The following EPC2 variants were observed in gnomAD, a reference collection of about 807,000 sequenced individuals.
EPC2 encodes the protein enhancer of polycomb homolog 2.
Under a neutral mutation model 92.1 loss-of-function variants are expected in EPC2, and 14 were observed. The observed-to-expected ratio is 0.15, with a 90% CI of 0.10 to 0.24. The LOEUF is 0.24. Among genes scored for constraint, EPC2 ranks in the 10% least tolerant of loss-of-function variants. The pLI, the probability that EPC2 is intolerant of heterozygous loss-of-function variation, is 1.00. For synonymous variants in EPC2, 340 were observed against 334.7 expected (o/e 1.02, Z -0.17); for missense variants, 755 against 971.5 (o/e 0.78, Z 2.96).
chr2:148,732,725 T>G (rs1345678741), intron 2 of EPC2, among the ~76,000 whole-genome samples: 1 of 152,090 alleles, frequency 6.6e-6, no homozygotes, highest in Admixed American at 6.5e-5. Context: ...AGCCAACCAC[T>G]CTGAGTGGCT....
chr2:148,753,931 T>C lies in EPC2; in HGVS notation c.464T>C (p.Val155Ala), dbSNP rs1683127310. 2 of 1,608,414 alleles carry C rather than the reference T, an allele frequency of 1.2e-6. No homozygotes were observed. Among genetic ancestry groups the C allele is most frequent in the Non-Finnish European group, 1.7e-6 (2 of 1,177,226 alleles). The change falls in exon 4 of 14, where the codon GTA (valine) becomes GCA (alanine). Residue 155 changes from valine to alanine, a missense_variant. Physicochemically the swap from Val to Ala is moderately conservative, Grantham distance 64. Transcript: ENST00000258484. Reference sequence around the variant, plus strand: ...CATTTTGTATTTTTCATTTAGCTTGTAACACTTCAAGAAGCAAAACTGCTG... The same window carrying C: ...CATTTTGTATTTTTCATTTAGCTTGCAACACTTCAAGAAGCAAAACTGCTG... ...RLEKASSNQL[V>A]TLQEAKLLLN...
At chr2:148,730,917 G>GC (rs1682606785) in intron 2 of EPC2, among the ~76,000 whole-genome samples, 1 of 152,034 alleles carries the variant, frequency 6.6e-6, no homozygotes, top group Non-Finnish European at 1.5e-5. Flanking sequence ...TAACTTCATT[G>GC]AACATATGGT....
intron 2 of EPC2, among the ~76,000 whole-genome samples, chr2:148,695,056 G>A (rs1280686771): frequency 6.6e-6 from 1 of 152,242 alleles, no homozygotes; most frequent in East Asian, 1.9e-4. Flanking sequence ...GGGATTACAG[G>A]CGTGAGCCAT....
intron 4 of EPC2, among the ~76,000 whole-genome samples, chr2:148,757,666 C>T (rs1334859215): frequency 6.6e-6 from 1 of 151,820 alleles, no homozygotes; most frequent in African/African-American, 2.4e-5. Context: ...GGAGAAACCT[C>T]ATCTCTACTA....
rs977383643 is a variant in EPC2 at position 148,690,487 on chromosome 2, A to G, written c.313+114A>G. ...TTTTAATTCATACACACTGATTAAT[A>G]GATATGTTAAACATTAAAGAATAAA... is the stretch of plus-strand genomic sequence containing the variant. On this transcript the variant is annotated intron_variant, in intron 2 of 13. Transcript: ENST00000258484. The G allele has an allele frequency of 8.5e-6, 8 of 936,760 alleles. No individual in the cohort carries two copies. The African/African-American group carries it at 1.3e-4, about 16-fold the overall frequency. 58.0% of individuals were successfully genotyped at this position (936,760 alleles called of 1,614,324 possible).
At chr2:148,645,644 C>T (rs78995377) in intron 1 of EPC2, 3,731 of 154,140 alleles carry the variant, frequency 0.024, 69 homozygotes, top group Middle Eastern at 0.041. Context: ...CAAACATCTT[C>T]CTCCCAGCAA....
intron 2 of EPC2, among the ~76,000 whole-genome samples, chr2:148,741,037 TATA>T (rs1243721422): frequency 2.6e-5 from 4 of 152,130 alleles, no homozygotes; most frequent in Non-Finnish European, 5.9e-5. Context: ...TTGATTATCA[TATA>T]ATAAAGACAA....
chr2:148,663,418 C>T (rs1450295609), intron 1 of EPC2, among the ~76,000 whole-genome samples: 1 of 151,024 alleles, frequency 6.6e-6, no homozygotes, highest in Non-Finnish European at 1.5e-5. Flanking sequence ...CAGGGTTTCA[C>T]CATGTTAGCC....
intron 2 of EPC2, among the ~76,000 whole-genome samples, chr2:148,732,093 C>G (rs1682643079): frequency 6.6e-6 from 1 of 152,100 alleles, no homozygotes; most frequent in African/African-American, 2.4e-5. Context: ...GGAAGTTGTC[C>G]AGGCTCTCTT....
chr2:148,687,963 A>G (rs764447346), intron 1 of EPC2, among the ~76,000 whole-genome samples: 2 of 152,184 alleles, frequency 1.3e-5, no homozygotes, highest in Non-Finnish European at 1.5e-5. Context: ...TTTGCATAGA[A>G]TGGACCTTCA....
At chr2:148,708,944 A>G (rs1003363870) in intron 2 of EPC2, among the ~76,000 whole-genome samples, 7 of 152,200 alleles carry the variant, frequency 4.6e-5, no homozygotes, top group Non-Finnish European at 1.0e-4. Flanking sequence ...CAAGACAGGG[A>G]TGCCCTCTCT....
intron 10 of EPC2, among the ~76,000 whole-genome samples, chr2:148,776,049 G>T (rs1683637438): frequency 6.6e-6 from 1 of 151,962 alleles, no homozygotes; most frequent in African/African-American, 2.4e-5. Context: ...CCAAAGTGCT[G>T]GGATTACAGG....
intron 1 of EPC2, among the ~76,000 whole-genome samples, chr2:148,665,154 TTC>T (rs1214304525): frequency 2.0e-5 from 3 of 152,306 alleles, no homozygotes; most frequent in East Asian, 1.9e-4. Context: ...TGTGAAATCA[TTC>T]TGTCTTTTTC....
intron 1 of EPC2, among the ~76,000 whole-genome samples, chr2:148,656,700 T>G (rs1193303077): frequency 6.6e-6 from 1 of 152,224 alleles, no homozygotes; most frequent in Non-Finnish European, 1.5e-5. Context: ...AGTAAATATT[T>G]GTGACTGAAT....
intron 2 of EPC2, among the ~76,000 whole-genome samples, chr2:148,736,582 C>G (rs1682760450): frequency 2.0e-5 from 3 of 152,082 alleles, no homozygotes; most frequent in African/African-American, 7.2e-5. Context: ...GAAATATGCA[C>G]TTAAAAAATT....
At chr2:148,714,248 C>CT (rs1036056141) in intron 2 of EPC2, among the ~76,000 whole-genome samples, 11 of 150,942 alleles carry the variant, frequency 7.3e-5, no homozygotes, top group East Asian at 3.9e-4. Flanking sequence ...GATCTCGTTC[C>CT]TTTTTTTTTG....
intron 2 of EPC2, among the ~76,000 whole-genome samples, chr2:148,731,956 G>C (rs187602842): frequency 1.3e-5 from 2 of 152,176 alleles, no homozygotes; most frequent in East Asian, 1.9e-4. Context: ...AAAGTACTGA[G>C]CTCATTGTTC....
At chr2:148,697,574 G>A (rs1195456758) in intron 2 of EPC2, among the ~76,000 whole-genome samples, 2 of 152,166 alleles carry the variant, frequency 1.3e-5, no homozygotes, top group Non-Finnish European at 2.9e-5. Context: ...CTGAAAGGGA[G>A]TGAATTTTAG....
At chr2:148,771,632 C>T (rs1683520785) in intron 10 of EPC2, among the ~76,000 whole-genome samples, 1 of 152,130 alleles carries the variant, frequency 6.6e-6, no homozygotes, top group African/African-American at 2.4e-5. Flanking sequence ...TGTGGCCACA[C>T]TGCTTATAAG....
Sources: gnomAD v4.1 joint callset for allele counts (sites outside exome capture counted in the v4.1 genomes callset) on GRCh38, gnomAD v4.1.1 for gene constraint, MANE v1.5 for transcripts, NCBI Gene and HGNC (gene_info 2026-07-23, HGNC 2026-07-21) for gene names.